LYPD6B: variants seen among roughly 807,000 people sequenced by gnomAD.
The protein encoded by LYPD6B is ly6/PLAUR domain-containing protein 6B.
In LYPD6B, 17 loss-of-function variants were observed where a neutral mutation model predicts 22.8. The ratio of observed to expected loss-of-function variants is 0.75; its 90% confidence interval spans 0.51 to 1.12. The LOEUF (loss-of-function observed/expected upper bound fraction) is 1.12, where lower values mean the gene tolerates loss of function less well. Ranked by LOEUF, LYPD6B falls within the 50% of genes most tolerant of loss-of-function variation. The probability of loss-of-function intolerance (pLI) is 0.00; values close to 1 mark genes in which losing one functional copy is unlikely to be tolerated. For synonymous variants in LYPD6B, 106 were observed against 91.6 expected (o/e 1.16, Z -0.90); for missense variants, 221 against 258.3 (o/e 0.86, Z 0.99).
intron 3 of LYPD6B, among the ~76,000 whole-genome samples, chr2:149,194,335 A>G (rs1471807336): frequency 6.6e-6 from 1 of 152,174 alleles, no homozygotes; most frequent in Non-Finnish European, 1.5e-5. Flanking sequence ...TTTGGTCCAG[A>G]GTGGCTCTTT....
At chr2:149,158,332 A>T in intron 2 of LYPD6B, among the ~76,000 whole-genome samples, 1 of 152,248 alleles carries the variant, frequency 6.6e-6, no homozygotes, top group East Asian at 1.9e-4. Context: ...AATATTATTC[A>T]GCCATAAAAA....
intron 1 of LYPD6B, among the ~76,000 whole-genome samples, chr2:149,079,738 A>T (rs528864202): frequency 6.6e-6 from 1 of 152,308 alleles, no homozygotes; most frequent in South Asian, 2.1e-4. Context: ...GTGTTGGCTT[A>T]GATTTCTAGG....
intron 3 of LYPD6B, chr2:149,188,674 A>G: frequency 1.0e-6 from 1 of 980,858 alleles, no homozygotes; most frequent in Non-Finnish European, 1.2e-6. Context: ...AGTCTAAGGA[A>G]AATGGTGACA....
At chr2:149,117,926 C>A (rs747583037) in intron 1 of LYPD6B, among the ~76,000 whole-genome samples, 2 of 152,156 alleles carry the variant, frequency 1.3e-5, no homozygotes, top group Admixed American at 1.3e-4. Context: ...GTAGTCACGT[C>A]TAGGCTAGGG....
In LYPD6B at chr2:149,191,706, A is replaced by G. The variant is rs986501583; in HGVS notation, c.78-13547A>G. On this transcript the variant is annotated intron_variant, in intron 3 of 6. Transcript: ENST00000409642. ...ATTTACAATGCAGCCTTTTCAGGTC[A>G]GGGAGAGGCCTGGTGATTTAGAAAC... Among the ~76,000 whole-genome samples the G allele has an allele frequency of 2.6e-5, 4 of 152,238 alleles. No individual in the cohort carries two copies. The East Asian group carries it at 5.8e-4, about 22-fold the overall frequency.
At chr2:149,043,821 G>A (rs527778415) in intron 1 of LYPD6B, among the ~76,000 whole-genome samples, 1 of 152,208 alleles carries the variant, frequency 6.6e-6, no homozygotes, top group South Asian at 2.1e-4. Context: ...TAAAGTATGA[G>A]TCAAAGGTAT....
chr2:149,160,217 T>C (rs1689968914), intron 2 of LYPD6B, among the ~76,000 whole-genome samples: 2 of 152,204 alleles, frequency 1.3e-5, no homozygotes, highest in Non-Finnish European at 2.9e-5. Context: ...TTTTTGTCTT[T>C]TATATTTGCT....
chr2:149,043,690 T>A (rs985118815), intron 1 of LYPD6B, among the ~76,000 whole-genome samples: 1 of 152,188 alleles, frequency 6.6e-6, no homozygotes, highest in Non-Finnish European at 1.5e-5. Flanking sequence ...TATTGTTGTA[T>A]TGAGGAATTC....
At chr2:149,204,131 A>G (rs1248959940) in intron 3 of LYPD6B, among the ~76,000 whole-genome samples, 2 of 152,192 alleles carry the variant, frequency 1.3e-5, no homozygotes, top group Non-Finnish European at 2.9e-5. Flanking sequence ...TCTTTTATGT[A>G]CACAATCCTA....
intron 2 of LYPD6B, among the ~76,000 whole-genome samples, chr2:149,136,914 T>A (rs549145515): frequency 6.6e-6 from 1 of 152,300 alleles, no homozygotes; most frequent in African/African-American, 2.4e-5. Context: ...TGGGCCAAGA[T>A]AGAGAAAGAG....
intron 1 of LYPD6B, among the ~76,000 whole-genome samples, chr2:149,080,873 C>A (rs35473760): frequency 0.36 from 39,197 of 108,532 alleles, 8,352 homozygotes; most frequent in South Asian, 0.44. Context: ...AAAAACCACA[C>A]AAAAAAATTC....
At chr2:149,206,865 A>G (rs1236416673) in intron 4 of LYPD6B, among the ~76,000 whole-genome samples, 1 of 152,114 alleles carries the variant, frequency 6.6e-6, no homozygotes, top group African/African-American at 2.4e-5. Flanking sequence ...AATGTCTTCT[A>G]CATTTAAAAA....
chr2:149,161,252 T>C (rs772799444), intron 3 of LYPD6B, among the ~76,000 whole-genome samples: 4 of 152,200 alleles, frequency 2.6e-5, no homozygotes, highest in Admixed American at 6.5e-5. Flanking sequence ...AGAACATGTG[T>C]GCACTAATTA....
At chr2:149,199,136 C>T (rs565927166) in intron 3 of LYPD6B, among the ~76,000 whole-genome samples, 13 of 152,148 alleles carry the variant, frequency 8.5e-5, no homozygotes, top group Non-Finnish European at 1.8e-4. Context: ...GAAGCAGGCA[C>T]CTAAGATTTC....
intron 3 of LYPD6B, among the ~76,000 whole-genome samples, chr2:149,187,011 T>G (rs1382090962): frequency 6.6e-6 from 1 of 152,188 alleles, no homozygotes; most frequent in Non-Finnish European, 1.5e-5. Context: ...AGCAAAAAGA[T>G]TATGACTTGC....
At chr2:149,085,560 A>G (rs953444533) in intron 1 of LYPD6B, among the ~76,000 whole-genome samples, 2 of 152,202 alleles carry the variant, frequency 1.3e-5, no homozygotes, top group African/African-American at 4.8e-5. Flanking sequence ...CTGCTTGCAT[A>G]AGAGTTGAGT....
intron 2 of LYPD6B, among the ~76,000 whole-genome samples, chr2:149,153,315 G>A (rs1451362905): frequency 6.6e-6 from 1 of 152,178 alleles, no homozygotes; most frequent in Non-Finnish European, 1.5e-5. Context: ...AAGCTTGGGA[G>A]AGGGATTTGG....
At chr2:149,171,503 C>T (rs182540699) in intron 3 of LYPD6B, among the ~76,000 whole-genome samples, 30 of 150,366 alleles carry the variant, frequency 2.0e-4, no homozygotes, top group Admixed American at 8.0e-4. Flanking sequence ...TCATTCCTTA[C>T]GTGAGAGCTC....
intron 2 of LYPD6B, among the ~76,000 whole-genome samples, chr2:149,150,962 A>G (rs1689332083): frequency 1.3e-5 from 2 of 152,212 alleles, no homozygotes; most frequent in South Asian, 4.1e-4. Context: ...CCCTATTCTC[A>G]TTATTCTTTT....
Sources: gnomAD v4.1 joint callset for allele counts (sites outside exome capture counted in the v4.1 genomes callset) on GRCh38, gnomAD v4.1.1 for gene constraint, MANE v1.5 for transcripts, NCBI Gene and HGNC (gene_info 2026-07-23, HGNC 2026-07-21) for gene names.